The following MALAT1 variants were observed in gnomAD, a reference collection of about 807,000 sequenced individuals.
MALAT1 encodes the protein hepcarcin.
intron 3 of MALAT1, chr11:65,505,729 A>G: frequency 1.9e-6 from 1 of 519,048 alleles, no homozygotes; most frequent in South Asian, 1.4e-5. Flanking sequence ...TTTGCCTGCA[A>G]ATTGTTAACA....
chr11:65,498,909 GA>G (rs1450494100), intron 2 of MALAT1: 3 of 518,522 alleles, frequency 5.8e-6, no homozygotes, highest in East Asian at 5.4e-5. Context: ...GAAAAATCTA[GA>G]AAAGTAAAAC....
exon 1 of MALAT1, chr11:65,497,843 G>A (rs944352616): frequency 3.9e-6 from 2 of 515,292 alleles, no homozygotes; most frequent in Admixed American, 2.0e-5. Flanking sequence ...GCCCGGCGCC[G>A]GGAAGCCTCA....
At chr11:65,499,153 C>T (rs765954103) in exon 3 of MALAT1, 2 of 512,542 alleles carry the variant, frequency 3.9e-6, no homozygotes, top group Non-Finnish European at 7.7e-6. Context: ...AATACAACTA[C>T]TTAAAAAATA....
At chr11:65,499,781 C>A in exon 3 of MALAT1, 1 of 418,924 alleles carries the variant, frequency 2.4e-6, no homozygotes, top group South Asian at 1.8e-5. Flanking sequence ...AAGTAGGAAG[C>A]AGAAGAAAAA....
chr11:65,503,430 A>G (rs762298200), exon 3 of MALAT1: 1 of 514,760 alleles, frequency 1.9e-6, no homozygotes, highest in South Asian at 1.4e-5. Context: ...TAATTTCTTA[A>G]AAGCCTCTAA....
exon 3 of MALAT1, chr11:65,499,435 A>G: frequency 4.2e-6 from 2 of 474,566 alleles, no homozygotes; most frequent in Non-Finnish European, 4.2e-6. Flanking sequence ...TGACTTAAAC[A>G]GCTTAAAGTT....
chr11:65,499,733 C>T, exon 3 of MALAT1: 1 of 433,350 alleles, frequency 2.3e-6, no homozygotes, highest in Non-Finnish European at 4.5e-6. Flanking sequence ...AAGATAAAAA[C>T]ATACTTTTAG....
chr11:65,498,285 G>A, intron 1 of MALAT1: 1 of 518,668 alleles, frequency 1.9e-6, no homozygotes, highest in Non-Finnish European at 3.8e-6. Context: ...AGCACTTTCA[G>A]GAGAGCCTGG....
At chr11:65,499,492 TAA>T (rs963699285) in exon 3 of MALAT1, 4 of 465,168 alleles carry the variant, frequency 8.6e-6, no homozygotes, top group South Asian at 1.6e-5. Context: ...GGCGATCTTT[TAA>T]AAAGAGATTA....
chr11:65,505,256 C>T (rs1035975399), intron 3 of MALAT1: 1 of 518,214 alleles, frequency 1.9e-6, no homozygotes, highest in Non-Finnish European at 3.9e-6. Flanking sequence ...GCAGGAGAGA[C>T]AACAAAGCGC....
At chr11:65,500,187 TAAA>T (rs750482441) in exon 3 of MALAT1, 49 of 508,014 alleles carry the variant, frequency 9.6e-5, no homozygotes, top group South Asian at 6.9e-4. Context: ...TGGTGTAATT[TAAA>T]AAAAACTAAG....
In MALAT1 at chr11:65,500,865, G is replaced by A. The variant is rs1163171561; in HGVS notation, n.2128G>A. 3 of 518,626 alleles carry A rather than the reference G, an allele frequency of 5.8e-6. No homozygotes were observed. In the Admixed American group the frequency reaches 5.8e-5, roughly 10 times the overall value. The allele number at this position is 518,626 out of a possible 1,614,324, so 32.1% of individuals were successfully genotyped here. A position where few individuals can be genotyped will look rare whatever the true frequency, so the allele number is the denominator to read the frequency against. On this transcript the variant is annotated non_coding_transcript_exon_variant, in exon 3 of 4. Transcript: ENST00000619449. ...TAATGGGGGAGTTTCGTACTGAGGT[G>A]TAAAGGGATTTATATGGGGACGTAG...
exon 3 of MALAT1, chr11:65,502,919 A>G (rs775016475): frequency 2.7e-4 from 131 of 492,674 alleles, no homozygotes; most frequent in Non-Finnish European, 4.9e-4. Context: ...AAAAATAATG[A>G]ATTGATGAGA....
In MALAT1 at chr11:65,499,070, G is replaced by T. The variant is rs11540779; in HGVS notation, n.333G>T. The T allele has an allele frequency of 3.7e-3, 1,925 of 518,188 alleles. 41 individuals are homozygous for T. The East Asian group carries it at 0.054, about 15-fold the overall frequency. The allele number at this position is 518,188 out of a possible 1,614,324, so 32.1% of individuals were successfully genotyped here. A position where few individuals can be genotyped will look rare whatever the true frequency, so the allele number is the denominator to read the frequency against. ...AGGCATTGAGGCAGCCAGCGCAGGG[G>T]CTTCTGCTGAGGGGGCAGGCGGAGC... On this transcript the variant is annotated non_coding_transcript_exon_variant, in exon 3 of 4. Transcript: ENST00000619449.
chr11:65,497,877 C>T (rs763558762), intron 1 of MALAT1: 2 of 518,706 alleles, frequency 3.9e-6, no homozygotes, highest in African/African-American at 1.9e-5. Context: ...CAGGTCCCCT[C>T]TGACGCCTCC....
exon 3 of MALAT1, chr11:65,499,863 G>T (rs1045752845): frequency 2.8e-5 from 12 of 425,286 alleles, no homozygotes; most frequent in Non-Finnish European, 5.0e-5. Flanking sequence ...ATAGAAACAA[G>T]ATAGAAAATG....
exon 3 of MALAT1, chr11:65,499,222 C>A (rs765893010): frequency 2.0e-6 from 1 of 503,800 alleles, no homozygotes. Flanking sequence ...ATTTTAATAG[C>A]TTAAGATTTT....
chr11:65,497,905 A>G (rs1157002594), intron 1 of MALAT1: 1 of 518,694 alleles, frequency 1.9e-6, no homozygotes. Flanking sequence ...CAGGTTTCCC[A>G]GAGTCCTTGG....
At chr11:65,505,538 C>A in intron 3 of MALAT1, 1 of 515,854 alleles carries the variant, frequency 1.9e-6, no homozygotes, top group South Asian at 1.4e-5. Flanking sequence ...AAGGTCTCCC[C>A]ACAAGCAACT....
Sources: allele counts gnomAD v4.1 joint callset, GRCh38; gene constraint gnomAD v4.1.1; transcripts MANE v1.5; gene names NCBI Gene and HGNC (gene_info 2026-07-23, HGNC 2026-07-21).